The following ARHGAP8 variants were observed in gnomAD, a reference collection of about 807,000 sequenced individuals.
ARHGAP8 encodes the protein Rho GTPase activating protein 8, also known as rho GTPase-activating protein 8.
Under a neutral mutation model 46.1 loss-of-function variants are expected in ARHGAP8, and 62 were observed. That is an observed-to-expected ratio of 1.34 (90% CI 1.10 to 1.66). The LOEUF (loss-of-function observed/expected upper bound fraction) is 1.66, where lower values mean the gene tolerates loss of function less well. Among genes scored for constraint, ARHGAP8 ranks in the 40% most tolerant of loss-of-function variants. The pLI, the probability that ARHGAP8 is intolerant of heterozygous loss-of-function variation, is 0.00. For synonymous variants in ARHGAP8, 375 were observed against 243.1 expected, an observed-to-expected ratio of 1.54 and a Z score of -5.05; for missense variants, 923 against 568.4, an observed-to-expected ratio of 1.62 and a Z score of -6.34.
chr22:44,845,162 T>C, intron 7 of ARHGAP8, 107 bp from the exon 8 acceptor site: 1 of 1,383,612 alleles, frequency 7.2e-7, no homozygotes, highest in Non-Finnish European at 1.0e-6. Context: ...GGACAGTGCC[T>C]GGGTCCTGTG....
intron 7 of ARHGAP8, among the ~76,000 whole-genome samples, chr22:44,843,769 T>TA (rs1177845844): frequency 7.3e-6 from 1 of 137,204 alleles, no homozygotes. Context: ...AGGCTGCAGC[T>TA]AGCCAAGATC....
chr22:44,837,831 C>A (rs569175528), intron 7 of ARHGAP8, among the ~76,000 whole-genome samples: 1 of 152,112 alleles, frequency 6.6e-6, no homozygotes, highest in Non-Finnish European at 1.5e-5. Context: ...CTCAAATGCA[C>A]GGGCAGTGGA....
In ARHGAP8 at chr22:44,862,391, G is replaced by GA; in HGVS notation, c.1100dup (p.Asn367LysfsTer5). 6.2e-7 allele frequency: 1 copy of GA among 1,614,120 alleles called. No individual in the cohort carries two copies. Among genetic ancestry groups the GA allele is most frequent in the Non-Finnish European group, 8.5e-7 (1 of 1,179,992 alleles). On this transcript the variant is annotated frameshift_variant, in exon 12 of 12. Coordinates refer to ENST00000356099, the MANE Select transcript of ARHGAP8 (RefSeq NM_181335.3). LOFTEE classifies it low-confidence loss of function (END_TRUNC). ...CCTCCCTGAGTGCCCTTGTGCCCCT[G>GA]AACATGTTCACTGAACTGCTGATCG... is the stretch of plus-strand genomic sequence containing the variant.
chr22:44,761,624 G>A (rs1193963193), intron 1 of ARHGAP8, among the ~76,000 whole-genome samples: 1 of 152,202 alleles, frequency 6.6e-6, no homozygotes, highest in Non-Finnish European at 1.5e-5. Flanking sequence ...ACTTGCACCT[G>A]GTTGAGAGCT....
chr22:44,783,024 C>T (rs1353589617), intron 1 of ARHGAP8, among the ~76,000 whole-genome samples: 1 of 152,072 alleles, frequency 6.6e-6, no homozygotes, highest in East Asian at 1.9e-4. Context: ...TGGGCCTGGG[C>T]CAGCCCAGCT....
At chr22:44,816,479 CAG>C (rs35067191) in intron 5 of ARHGAP8, among the ~76,000 whole-genome samples, 3,289 of 152,180 alleles carry the variant, frequency 0.022, 48 homozygotes, top group Middle Eastern at 0.037. Context: ...GACTGGTACT[CAG>C]AGGAATGTTG....
chr22:44,825,543 A>ACCG lies in ARHGAP8; in HGVS notation c.551_553dup (p.Pro184dup). 15 of 1,612,942 alleles carry ACCG rather than the reference A, an allele frequency of 9.3e-6. No homozygotes were observed. Among genetic ancestry groups the ACCG allele is most frequent in the Non-Finnish European group, 1.3e-5 (15 of 1,179,700 alleles). On this transcript the variant is annotated inframe_insertion, in exon 7 of 12. Coordinates refer to ENST00000356099, the MANE Select transcript of ARHGAP8 (RefSeq NM_181335.3). ...GGACGCCGCCTCCCACCAAGACACC[A>ACCG]CCGCCGCGGCCCCCGCTGCCCACAC...
chr22:44,786,678 G>T, intron 2 of ARHGAP8, 72 bp downstream of exon 2: 2 of 1,537,244 alleles, frequency 1.3e-6, no homozygotes, highest in Non-Finnish European at 8.8e-7. Context: ...TTGAGGCAAA[G>T]TGGGCTCGTC....
intron 11 of ARHGAP8, among the ~76,000 whole-genome samples, chr22:44,860,424 T>A (rs1261415916): frequency 6.6e-6 from 1 of 151,712 alleles, no homozygotes; most frequent in Non-Finnish European, 1.5e-5. Context: ...AGCTCCCCCC[T>A]GGCCTTTGTC....
At chr22:44,781,668 G>A (rs1926855433) in intron 1 of ARHGAP8, among the ~76,000 whole-genome samples, 1 of 141,860 alleles carries the variant, frequency 7.0e-6, no homozygotes, top group African/African-American at 2.7e-5. Context: ...GATTACAGGT[G>A]CGTGCCACCA....
At chr22:44,798,918 C>T (rs1011733086) in intron 2 of ARHGAP8, among the ~76,000 whole-genome samples, 2 of 152,032 alleles carry the variant, frequency 1.3e-5, no homozygotes, top group African/African-American at 4.8e-5. Context: ...GCATGTGCAA[C>T]GAGGAGCTGG....
rs189612584 is a variant in ARHGAP8, at chr22:44,854,013, A to G, written c.877+4953A>G. ...TTGCACTCCAGCCTGGGACACAGCG[A>G]GACTCTGTCTCAAAAAAAAAAAAAA... On this transcript the variant is annotated intron_variant, in intron 10 of 11. Coordinates refer to ENST00000356099, the MANE Select transcript of ARHGAP8 (RefSeq NM_181335.3). Among the ~76,000 whole-genome samples the G allele has an allele frequency of 7.7e-5, 9 of 117,550 alleles. No homozygotes were observed. In the East Asian group the frequency reaches 2.7e-3, roughly 36 times the overall value. 77.1% of individuals were successfully genotyped at this position (117,550 alleles called of 152,430 possible).
chr22:44,851,284 T>G (rs758935302), intron 10 of ARHGAP8, among the ~76,000 whole-genome samples: 11 of 152,230 alleles, frequency 7.2e-5, no homozygotes, highest in Non-Finnish European at 1.3e-4. Flanking sequence ...CGTCTTAGGT[T>G]CATTGGTGGG....
intron 4 of ARHGAP8, among the ~76,000 whole-genome samples, chr22:44,813,781 A>G (rs1929537848): frequency 7.6e-6 from 1 of 131,372 alleles, no homozygotes; most frequent in African/African-American, 2.8e-5. Context: ...ACCTACATAC[A>G]CCTACACACA....
intron 7 of ARHGAP8, among the ~76,000 whole-genome samples, chr22:44,827,323 C>A (rs1930590825): frequency 2.4e-5 from 3 of 122,808 alleles, no homozygotes; most frequent in South Asian, 2.7e-4. Context: ...TGAGATAATA[C>A]ATTTGGGTGG....
chr22:44,858,030 G>A (rs1479214051), intron 10 of ARHGAP8, among the ~76,000 whole-genome samples: 1 of 152,214 alleles, frequency 6.6e-6, no homozygotes, highest in East Asian at 1.9e-4. Flanking sequence ...AGAAGGAAAT[G>A]GCAGCCACCT....
chr22:44,786,285 CTAGTGGGTGCTCGGCTGAGGCAGGGCGCG>C (rs1569144139), intron 1 of ARHGAP8, among the ~76,000 whole-genome samples, 143 bp from the exon 2 acceptor site: 2 of 143,438 alleles, frequency 1.4e-5, no homozygotes, highest in African/African-American at 2.6e-5. Flanking sequence ...GGCAGGGCGC[CTAGTGGGTGCTCGGCTGAGGCAGGGCGCG>C]TAGTGGGTGC....
At chr22:44,860,079 C>T (rs991436681) in intron 11 of ARHGAP8, among the ~76,000 whole-genome samples, 11 of 152,152 alleles carry the variant, frequency 7.2e-5, no homozygotes, top group Non-Finnish European at 1.5e-4. Flanking sequence ...TGCTGTCCCT[C>T]AGCCATTGCC....
chr22:44,784,869 T>C (rs535553995), intron 1 of ARHGAP8, among the ~76,000 whole-genome samples: 60 of 152,324 alleles, frequency 3.9e-4, no homozygotes, highest in African/African-American at 1.4e-3. Flanking sequence ...TGCATATTTG[T>C]TGACTGACTG....
Sources: gnomAD v4.1 joint callset for allele counts (sites outside exome capture counted in the v4.1 genomes callset) on GRCh38, gnomAD v4.1.1 for gene constraint, MANE v1.5 for transcripts, NCBI Gene and HGNC (gene_info 2026-07-23, HGNC 2026-07-21) for gene names.